Variants in PDE10A observed in about 807,000 individuals in gnomAD.
The protein encoded by PDE10A is cAMP and cAMP-inhibited cGMP 3',5'-cyclic phosphodiesterase 10A.
In PDE10A, 39 loss-of-function variants were observed where a neutral mutation model predicts 97.7. That is an observed-to-expected ratio of 0.40 (90% CI 0.31 to 0.52). PDE10A has a LOEUF of 0.52. PDE10A is among the 20% of genes least tolerant of loss of function. The pLI is 0.56. For missense variants in PDE10A, 731 were observed against 1,047.8 expected (o/e 0.70, Z 4.17); for synonymous variants, 371 against 376.8 (o/e 0.98, Z 0.18).
chr6:165,535,081 C>T (rs1265740295), intron 2 of PDE10A, among the ~76,000 whole-genome samples: 2 of 151,872 alleles, frequency 1.3e-5, no homozygotes, highest in Non-Finnish European at 2.9e-5. Context: ...AACTGATACA[C>T]GAATTCAGTA....
At chr6:165,436,216 C>A (rs1203486225) in intron 5 of PDE10A, among the ~76,000 whole-genome samples, 2 of 152,222 alleles carry the variant, frequency 1.3e-5, no homozygotes, top group East Asian at 3.9e-4. Flanking sequence ...TGTTGGATTA[C>A]TCTAACAAAG....
At chr6:165,727,556 C>A (rs963458874) in intron 1 of PDE10A, among the ~76,000 whole-genome samples, 3 of 152,188 alleles carry the variant, frequency 2.0e-5, no homozygotes, top group Middle Eastern at 3.2e-3. Context: ...CCAGGAGAGG[C>A]CTCAGGGAGT....
At chr6:165,986,614 G>A (rs1238984484) in intron 1 of PDE10A, 2 of 151,954 alleles carry the variant, frequency 1.3e-5, no homozygotes, top group African/African-American at 4.8e-5. Context: ...GTAGAAGGGT[G>A]AGCCGAGAGG....
intron 1 of PDE10A, among the ~76,000 whole-genome samples, chr6:165,875,782 A>C (rs1174279385): frequency 1.4e-5 from 2 of 140,364 alleles, no homozygotes; most frequent in African/African-American, 5.4e-5. Flanking sequence ...ACACGGAGAT[A>C]TTTAATCCTA....
chr6:165,853,262 C>T (rs1188489706), intron 1 of PDE10A, among the ~76,000 whole-genome samples: 4 of 152,182 alleles, frequency 2.6e-5, no homozygotes. Flanking sequence ...CATTGGAAAA[C>T]ATCACTTTAT....
chr6:165,976,979 A>G (rs1429965111), intron 1 of PDE10A, among the ~76,000 whole-genome samples: 3 of 152,324 alleles, frequency 2.0e-5, no homozygotes, highest in East Asian at 3.9e-4. Flanking sequence ...TCCCAAACAG[A>G]TAGTTCCCTT....
chr6:165,622,946 G>A (rs2128410282), intron 1 of PDE10A, among the ~76,000 whole-genome samples: 1 of 152,140 alleles, frequency 6.6e-6, no homozygotes, highest in South Asian at 2.1e-4. Context: ...TCATTTAAAA[G>A]TGTGTGGCTC....
At chr6:165,446,749 A>G (rs1017158646) in intron 5 of PDE10A, among the ~76,000 whole-genome samples, 2 of 152,152 alleles carry the variant, frequency 1.3e-5, no homozygotes, top group African/African-American at 2.4e-5. Flanking sequence ...GACAGCTACA[A>G]TTTTGCTATG....
intron 2 of PDE10A, among the ~76,000 whole-genome samples, chr6:165,512,042 G>C (rs1781537070): frequency 1.3e-5 from 2 of 151,806 alleles, no homozygotes; most frequent in Admixed American, 6.6e-5. Flanking sequence ...TTATTGCATG[G>C]GAAGTTGTTA....
intron 1 of PDE10A, among the ~76,000 whole-genome samples, chr6:165,734,975 T>G (rs1307729265): frequency 2.6e-5 from 4 of 151,704 alleles, no homozygotes; most frequent in African/African-American, 4.9e-5. Flanking sequence ...GATAGATAGA[T>G]AGATAGATAG....
Position 165,435,378 on chromosome 6 carries a change from C to T in PDE10A, c.1195-1G>A. On this transcript the variant is annotated splice_acceptor_variant, in intron 5 of 21. Coordinates refer to ENST00000539869, the MANE Select transcript of PDE10A (RefSeq NM_001385079.1). LOFTEE classifies it high-confidence loss of function. ...CAGGTGGCGTGAATATACACAGGCTCTAGGGAGAAGAAAAGATGTTTTACA... is the reference window on the plus strand; with the variant it reads ...CAGGTGGCGTGAATATACACAGGCTTTAGGGAGAAGAAAAGATGTTTTACA... 6.2e-7 allele frequency: 1 copy of T among 1,611,136 alleles called. No homozygotes were observed. The highest frequency in any genetic ancestry group is 8.5e-7 in the Non-Finnish European group (1 of 1,178,990).
At chr6:165,779,759 C>T (rs1583077200) in intron 1 of PDE10A, among the ~76,000 whole-genome samples, 1 of 152,302 alleles carries the variant, frequency 6.6e-6, no homozygotes, top group African/African-American at 2.4e-5. Flanking sequence ...TGTGATGCAG[C>T]TCCTGTCTCC....
chr6:165,808,341 G>A (rs1779192342), intron 1 of PDE10A, among the ~76,000 whole-genome samples: 1 of 152,184 alleles, frequency 6.6e-6, no homozygotes, highest in Non-Finnish European at 1.5e-5. Context: ...AACTGGCTCT[G>A]TGCTCCCCTG....
chr6:165,447,314 T>C (rs1790925771), intron 5 of PDE10A, among the ~76,000 whole-genome samples: 1 of 152,188 alleles, frequency 6.6e-6, no homozygotes, highest in Non-Finnish European at 1.5e-5. Flanking sequence ...TCAGGATTGT[T>C]ACCACTTTTG....
chr6:165,831,062 C>T (rs1779897111), intron 1 of PDE10A, among the ~76,000 whole-genome samples: 1 of 152,102 alleles, frequency 6.6e-6, no homozygotes, highest in African/African-American at 2.4e-5. Flanking sequence ...TCCTCTCCCT[C>T]AACAAAGTCA....
intron 3 of PDE10A, among the ~76,000 whole-genome samples, chr6:165,475,062 C>A (rs1480698945): frequency 6.6e-6 from 1 of 152,156 alleles, no homozygotes; most frequent in African/African-American, 2.4e-5. Flanking sequence ...CCTGCCCACT[C>A]CCCTGCTGCT....
At chr6:165,339,970 GTT>G (rs1421699504) in intron 19 of PDE10A, among the ~76,000 whole-genome samples, 1 of 152,034 alleles carries the variant, frequency 6.6e-6, no homozygotes, top group Non-Finnish European at 1.5e-5. Flanking sequence ...ACAGGTAATA[GTT>G]ACTAAAGATT....
In PDE10A at chr6:165,696,031, AG is replaced by A. The variant is rs200040560; in HGVS notation, c.-614-152464del. Among the ~76,000 whole-genome samples the A allele has an allele frequency of 5.0e-3, 768 of 152,272 alleles. 11 individuals carry two copies. The highest frequency in any genetic ancestry group is 0.018 in the African/African-American group (733 of 41,556). ...GTCCCACCAGTACTAATGTCACCCC[AG>A]GGTAACTGGCCACACCCAAAGCTAT... On this transcript the variant is annotated intron_variant, in intron 1 of 19. Transcript: ENST00000366882.
At chr6:165,712,256 G>A (rs1791913276) in intron 1 of PDE10A, among the ~76,000 whole-genome samples, 1 of 152,170 alleles carries the variant, frequency 6.6e-6, no homozygotes, top group Non-Finnish European at 1.5e-5. Flanking sequence ...ATCCTGACTT[G>A]CCTTGAAGGA....
Sources: gnomAD v4.1 joint callset for allele counts (sites outside exome capture counted in the v4.1 genomes callset) on GRCh38, gnomAD v4.1.1 for gene constraint, MANE v1.5 for transcripts, NCBI Gene and HGNC (gene_info 2026-07-23, HGNC 2026-07-21) for gene names.